Variants in MARCHF1 observed in about 807,000 individuals in gnomAD.
MARCHF1 encodes E3 ubiquitin-protein ligase MARCHF1.
A neutral mutation model predicts 54.2 loss-of-function variants in MARCHF1; 40 were observed. That is an observed-to-expected ratio of 0.74 (90% CI 0.57 to 0.96). The LOEUF (loss-of-function observed/expected upper bound fraction) is 0.96. Among genes scored for constraint, MARCHF1 ranks in the 40% least tolerant of loss-of-function variants. MARCHF1 has a pLI of 0.00. For missense variants in MARCHF1, 586 were observed against 656.5 expected, an observed-to-expected ratio of 0.89 and a Z score of 1.17; for synonymous variants, 236 against 236.3, an observed-to-expected ratio of 1.00 and a Z score of 0.01.
intron 1 of MARCHF1, among the ~76,000 whole-genome samples, chr4:164,221,763 G>C (rs1732119569): frequency 6.6e-6 from 1 of 151,922 alleles, no homozygotes; most frequent in African/African-American, 2.4e-5. Flanking sequence ...AAACACCAGT[G>C]TTCCAAGTGG....
chr4:163,717,204 T>A (rs1745291107), intron 4 of MARCHF1, among the ~76,000 whole-genome samples: 1 of 142,816 alleles, frequency 7.0e-6, no homozygotes, highest in Admixed American at 7.4e-5. Flanking sequence ...TGTCCATGTG[T>A]TCTCATTGTT....
intron 1 of MARCHF1, chr4:164,383,124 T>G (rs1731424662): frequency 2.0e-5 from 3 of 152,288 alleles, no homozygotes. Context: ...CTGCCTCGAC[T>G]GGTCACTCCA....
chr4:163,647,293 T>G (rs1050800920), intron 5 of MARCHF1, among the ~76,000 whole-genome samples: 24 of 152,034 alleles, frequency 1.6e-4, no homozygotes, highest in African/African-American at 5.5e-4. Flanking sequence ...GAGGGAGAGA[T>G]AGACAGCAAT....
intron 8 of MARCHF1, among the ~76,000 whole-genome samples, chr4:163,575,287 GC>G (rs1222429339): frequency 6.6e-6 from 1 of 152,018 alleles, no homozygotes; most frequent in African/African-American, 2.4e-5. Context: ...TTCATTGAAA[GC>G]TTTTTCTGCA....
intron 1 of MARCHF1, among the ~76,000 whole-genome samples, chr4:164,114,326 A>T (rs908110146): frequency 4.0e-5 from 6 of 151,858 alleles, no homozygotes; most frequent in Admixed American, 6.6e-5. Context: ...TGCCATTCAC[A>T]TTATTTTCTT....
At chr4:164,046,532 C>A (rs1234824567) in intron 2 of MARCHF1, among the ~76,000 whole-genome samples, 1 of 152,170 alleles carries the variant, frequency 6.6e-6, no homozygotes, top group Non-Finnish European at 1.5e-5. Flanking sequence ...TAATAATCAT[C>A]TGTTTTACTA....
Position 164,067,033 on chromosome 4 carries a change from C to G in MARCHF1, c.-248+44555G>C, listed in dbSNP as rs370775732. Among the ~76,000 whole-genome samples the G allele has an allele frequency of 6.0e-5, 4 of 66,966 alleles. No homozygotes were observed. In the South Asian group the frequency reaches 1.8e-3, roughly 30 times the overall value. The allele number at this position is 66,966 out of a possible 152,430, so 43.9% of individuals were successfully genotyped here. A position where few individuals can be genotyped will look rare whatever the true frequency, so the allele number is the denominator to read the frequency against. ...TCTGAACTTAAAAAAAAAAGTCTGACGAAGGCTTTTAATAGTATTAATTTT... is the reference window on the plus strand; with the variant it reads ...TCTGAACTTAAAAAAAAAAGTCTGAGGAAGGCTTTTAATAGTATTAATTTT... On this transcript the variant is annotated intron_variant, in intron 2 of 9. Coordinates refer to ENST00000514618, the MANE Select transcript of MARCHF1 (RefSeq NM_001394959.1).
chr4:163,609,839 T>C (rs898438538), intron 7 of MARCHF1, among the ~76,000 whole-genome samples: 1 of 151,914 alleles, frequency 6.6e-6, no homozygotes, highest in Non-Finnish European at 1.5e-5. Context: ...GGCAGCCTCT[T>C]TGGAACTCAA....
chr4:163,896,967 T>C (rs1750820698), intron 3 of MARCHF1, among the ~76,000 whole-genome samples: 2 of 152,150 alleles, frequency 1.3e-5, no homozygotes, highest in Admixed American at 1.3e-4. Flanking sequence ...CCATCCCCCT[T>C]CATTTCTTGA....
intron 1 of MARCHF1, among the ~76,000 whole-genome samples, chr4:164,340,422 T>G (rs1175154916): frequency 3.9e-5 from 5 of 128,824 alleles, no homozygotes; most frequent in African/African-American, 5.5e-5. Context: ...TAGATATATA[T>G]ATATATATAT....
At chr4:163,606,575 C>T (rs972654225) in intron 7 of MARCHF1, among the ~76,000 whole-genome samples, 1 of 151,904 alleles carries the variant, frequency 6.6e-6, no homozygotes, top group African/African-American at 2.4e-5. Context: ...AAATGAAGTG[C>T]ATATTGAAGC....
intron 2 of MARCHF1, among the ~76,000 whole-genome samples, chr4:164,090,908 G>C (rs1301754458): frequency 1.3e-5 from 2 of 152,124 alleles, no homozygotes; most frequent in East Asian, 1.9e-4. Context: ...CTGAAGAAAA[G>C]GTGAAGGCTG....
chr4:163,835,621 T>C (rs1749159174), intron 4 of MARCHF1, among the ~76,000 whole-genome samples: 5 of 152,222 alleles, frequency 3.3e-5, no homozygotes, highest in Admixed American at 2.6e-4. Flanking sequence ...TAAATCTTCT[T>C]CCACCATGTG....
chr4:164,133,186 C>T (rs1173763288), intron 1 of MARCHF1, among the ~76,000 whole-genome samples: 4 of 152,226 alleles, frequency 2.6e-5, no homozygotes, highest in African/African-American at 9.6e-5. Flanking sequence ...AAGGATAACT[C>T]GGCAGAATGC....
At chr4:163,795,322 C>A (rs977688639) in intron 4 of MARCHF1, among the ~76,000 whole-genome samples, 1 of 152,038 alleles carries the variant, frequency 6.6e-6, no homozygotes, top group Admixed American at 6.6e-5. Context: ...CTCTGCCTCC[C>A]GGGTTCAAGA....
chr4:163,909,968 T>C (rs564040349), intron 3 of MARCHF1, among the ~76,000 whole-genome samples: 31 of 152,264 alleles, frequency 2.0e-4, no homozygotes, highest in African/African-American at 6.3e-4. Context: ...TTTAAAACAT[T>C]TATCAACAAT....
chr4:163,684,211 C>G (rs925944687), intron 5 of MARCHF1, among the ~76,000 whole-genome samples: 6 of 152,080 alleles, frequency 3.9e-5, no homozygotes, highest in Non-Finnish European at 8.8e-5. Flanking sequence ...ATAGGGCCCT[C>G]CAATTAATAG....
At chr4:164,065,508 A>G (rs551148920) in intron 2 of MARCHF1, among the ~76,000 whole-genome samples, 1 of 152,356 alleles carries the variant, frequency 6.6e-6, no homozygotes, top group South Asian at 2.1e-4. Context: ...CAGATGACCT[A>G]CAGAATGGAG....
At chr4:164,283,450 A>G (rs544330623) in intron 1 of MARCHF1, among the ~76,000 whole-genome samples, 1 of 151,094 alleles carries the variant, frequency 6.6e-6, no homozygotes, top group East Asian at 2.0e-4. Context: ...TGCCTCAAGA[A>G]AGATGCCTGG....
Sources: allele counts gnomAD v4.1 joint callset (sites outside exome capture counted in the v4.1 genomes callset), GRCh38; gene constraint gnomAD v4.1.1; transcripts MANE v1.5; gene names NCBI Gene and HGNC (gene_info 2026-07-23, HGNC 2026-07-21).